TNFRSF19: variants seen among roughly 807,000 people sequenced by gnomAD.
The protein encoded by TNFRSF19 is TNF receptor superfamily member 19, also known as tumor necrosis factor receptor superfamily member 19.
A neutral mutation model predicts 46.4 loss-of-function variants in TNFRSF19; 27 were observed. The ratio of observed to expected loss-of-function variants is 0.58; its 90% CI spans 0.43 to 0.80. The LOEUF is 0.80. TNFRSF19 is among the 30% of genes least tolerant of loss of function. The probability of loss-of-function intolerance (pLI) is 0.00; values close to 1 mark genes in which losing one functional copy is unlikely to be tolerated. For missense variants in TNFRSF19, 511 were observed against 530.8 expected (o/e 0.96, Z 0.37); for synonymous variants, 204 against 205.0 (o/e 1.00, Z 0.04).
chr13:23,590,352 T>A (rs1879179438), intron 2 of TNFRSF19, 100 bp downstream of exon 2: 1 of 715,878 alleles, frequency 1.4e-6, no homozygotes, highest in East Asian at 3.3e-5. Flanking sequence ...TTATTTTTTT[T>A]GAGACAGAGT....
chr13:23,666,890 A>G (rs555247913), intron 7 of TNFRSF19, among the ~76,000 whole-genome samples: 4 of 152,252 alleles, frequency 2.6e-5, no homozygotes, highest in African/African-American at 9.6e-5. Context: ...TCATTTTTAT[A>G]AAGAGAGACT....
chr13:23,615,684 C>G (rs906650417), intron 3 of TNFRSF19, among the ~76,000 whole-genome samples, 183 bp from the exon 4 acceptor site: 4 of 152,154 alleles, frequency 2.6e-5, no homozygotes, highest in Admixed American at 2.0e-4. Context: ...AGTGGACTTA[C>G]CATAGTAAGA....
intron 5 of TNFRSF19, among the ~76,000 whole-genome samples, chr13:23,648,293 A>T (rs1183578973): frequency 6.6e-6 from 1 of 152,106 alleles, no homozygotes; most frequent in East Asian, 1.9e-4. Flanking sequence ...TGAGTGTACA[A>T]GTCTTGTACC....
At chr13:23,619,475 G>T (rs1447783219) in intron 4 of TNFRSF19, among the ~76,000 whole-genome samples, 6 of 151,804 alleles carry the variant, frequency 4.0e-5, no homozygotes. Context: ...GTACAACTCT[G>T]TGAATGTATG....
At chr13:23,621,680 C>G (rs1881663516) in intron 4 of TNFRSF19, among the ~76,000 whole-genome samples, 1 of 151,938 alleles carries the variant, frequency 6.6e-6, no homozygotes, top group Non-Finnish European at 1.5e-5. Context: ...GGATTCAGTT[C>G]AGTTAAAAAT....
chr13:23,578,526 C>T (rs938262482), intron 1 of TNFRSF19, among the ~76,000 whole-genome samples: 3 of 152,168 alleles, frequency 2.0e-5, no homozygotes, highest in African/African-American at 7.2e-5. Context: ...TCCAGTGGGC[C>T]TTGGGGTATA....
At chr13:23,585,729 G>A (rs1408749008) in intron 1 of TNFRSF19, among the ~76,000 whole-genome samples, 1 of 152,138 alleles carries the variant, frequency 6.6e-6, no homozygotes, top group Non-Finnish European at 1.5e-5. Context: ...TATTTGATTG[G>A]TGGTCAACTC....
intron 9 of TNFRSF19, chr13:23,669,558 T>C (rs1951719933): frequency 1.0e-6 from 1 of 985,276 alleles, no homozygotes. Flanking sequence ...CCTCTCTCCT[T>C]GGCTGTTGTT....
chr13:23,660,279 T>C, intron 6 of TNFRSF19, 86 bp from the exon 7 acceptor site: 1 of 1,341,502 alleles, frequency 7.5e-7, no homozygotes, highest in Non-Finnish European at 1.0e-6. Flanking sequence ...AGCTGATTTG[T>C]TCTTTAAAAA....
At chr13:23,644,628 G>A (rs1239702728) in intron 5 of TNFRSF19, among the ~76,000 whole-genome samples, 1 of 152,210 alleles carries the variant, frequency 6.6e-6, no homozygotes, top group East Asian at 1.9e-4. Flanking sequence ...AAGAAAAGCA[G>A]TGAAAACGAT....
intron 1 of TNFRSF19, among the ~76,000 whole-genome samples, chr13:23,583,205 C>T (rs1878578514): frequency 6.6e-6 from 1 of 152,058 alleles, no homozygotes; most frequent in African/African-American, 2.4e-5. Context: ...AAATCTTCAC[C>T]AACAATGGTG....
At chr13:23,584,699 G>A (rs528803340) in intron 1 of TNFRSF19, among the ~76,000 whole-genome samples, 18 of 150,690 alleles carry the variant, frequency 1.2e-4, no homozygotes, top group African/African-American at 4.4e-4. Flanking sequence ...TGGAGATACT[G>A]TATTTGGCAG....
Position 23,576,192 on chromosome 13 carries a change from G to A in TNFRSF19, c.-35+5344G>A, listed in dbSNP as rs535089856. Reference sequence around the variant, plus strand: ...TCTGTCCCCCAGGCTGGAGTGCAGTGGCGTGATTTTGGCTCACTGCAACCT... The same window carrying A: ...TCTGTCCCCCAGGCTGGAGTGCAGTAGCGTGATTTTGGCTCACTGCAACCT... On this transcript the variant is annotated intron_variant, in intron 1 of 9. Coordinates refer to ENST00000248484, the MANE Select transcript of TNFRSF19 (RefSeq NM_148957.4). Among the ~76,000 whole-genome samples the A allele has an allele frequency of 3.4e-4, 51 of 150,570 alleles. No individual in the cohort carries two copies. In the South Asian group the frequency reaches 4.0e-3, roughly 12 times the overall value.
intron 5 of TNFRSF19, among the ~76,000 whole-genome samples, chr13:23,648,084 T>A (rs1187384150): frequency 6.6e-6 from 1 of 152,184 alleles, no homozygotes; most frequent in Non-Finnish European, 1.5e-5. Flanking sequence ...TCCTTGAAAT[T>A]CCATATGAAT....
At chr13:23,608,976 T>A (rs1257051619) in intron 3 of TNFRSF19, among the ~76,000 whole-genome samples, 2 of 152,228 alleles carry the variant, frequency 1.3e-5, no homozygotes, top group African/African-American at 4.8e-5. Context: ...TGCCAGATGC[T>A]GTTGCCCTGG....
At chr13:23,622,624 A>G (rs899508966) in intron 4 of TNFRSF19, among the ~76,000 whole-genome samples, 1 of 152,180 alleles carries the variant, frequency 6.6e-6, no homozygotes, top group Non-Finnish European at 1.5e-5. Flanking sequence ...AGTAGTGTCT[A>G]TGCTTGATCA....
intron 7 of TNFRSF19, among the ~76,000 whole-genome samples, chr13:23,667,452 T>A (rs1248909169): frequency 6.6e-6 from 1 of 152,230 alleles, no homozygotes; most frequent in Non-Finnish European, 1.5e-5. Context: ...AGGAGGCCAC[T>A]CAGCGGGAAA....
chr13:23,657,724 C>T (rs535055075), intron 5 of TNFRSF19, among the ~76,000 whole-genome samples: 7 of 152,042 alleles, frequency 4.6e-5, no homozygotes, highest in South Asian at 2.1e-4. Context: ...GACAGAGTCT[C>T]GCTCTGTCGT....
chr13:23,662,511 G>A (rs188092494), intron 7 of TNFRSF19, among the ~76,000 whole-genome samples: 1 of 152,180 alleles, frequency 6.6e-6, no homozygotes, highest in African/African-American at 2.4e-5. Context: ...CTAATACAGG[G>A]TCTATTTTGG....
Sources: allele counts gnomAD v4.1 joint callset (sites outside exome capture counted in the v4.1 genomes callset), GRCh38; gene constraint gnomAD v4.1.1; transcripts MANE v1.5; gene names NCBI Gene and HGNC (gene_info 2026-07-23, HGNC 2026-07-21).